The following DNAJC6 variants were observed in gnomAD, a reference collection of about 807,000 sequenced individuals.
DNAJC6 encodes auxilin.
Under a neutral mutation model 110.0 loss-of-function variants are expected in DNAJC6, and 34 were observed. The ratio of observed to expected loss-of-function variants is 0.31; its 90% CI spans 0.24 to 0.41. The LOEUF (loss-of-function observed/expected upper bound fraction) is 0.41, where lower values mean the gene tolerates loss of function less well. Among genes scored for constraint, DNAJC6 ranks in the 10% least tolerant of loss-of-function variants. The probability of loss-of-function intolerance (pLI) is 1.00; values close to 1 mark genes in which losing one functional copy is unlikely to be tolerated. For missense variants in DNAJC6, 1,031 were observed against 1,207.8 expected (o/e 0.85, Z 2.17); for synonymous variants, 406 against 437.2 (o/e 0.93, Z 0.89).
chr1:65,361,468 T>C (rs1469727506), intron 1 of DNAJC6, among the ~76,000 whole-genome samples: 1 of 152,126 alleles, frequency 6.6e-6, no homozygotes, highest in Admixed American at 6.6e-5. Context: ...AACATCTAAG[T>C]GGCATGTAGG....
chr1:65,384,170 A>T (rs551347717), intron 5 of DNAJC6, 23 bp from the exon 6 acceptor site: 1 of 1,441,816 alleles, frequency 6.9e-7, no homozygotes, highest in Non-Finnish European at 9.1e-7. Context: ...GTTCATAATG[A>T]TTTTATGCAT....
chr1:65,348,077 A>G (rs1401241810), intron 1 of DNAJC6, among the ~76,000 whole-genome samples: 1 of 152,178 alleles, frequency 6.6e-6, no homozygotes. Context: ...AAAGGGACAC[A>G]CCATTTGCAG....
At chr1:65,315,884 C>T (rs191692573) in intron 1 of DNAJC6, among the ~76,000 whole-genome samples, 5 of 152,044 alleles carry the variant, frequency 3.3e-5, no homozygotes. Context: ...TTCTCTGAGG[C>T]AAGGAAAAAT....
At chr1:65,333,210 AC>A (rs1163026680) in intron 1 of DNAJC6, among the ~76,000 whole-genome samples, 1 of 152,206 alleles carries the variant, frequency 6.6e-6, no homozygotes, top group Non-Finnish European at 1.5e-5. Flanking sequence ...ATTGAATAGT[AC>A]ATTTTGGCCT....
At chr1:65,408,864 A>G (rs1646101537) in intron 17 of DNAJC6, 81 bp downstream of exon 17, 2 of 1,507,332 alleles carry the variant, frequency 1.3e-6, no homozygotes, top group Non-Finnish European at 1.8e-6. Context: ...AGCTATCGCC[A>G]TGAGAGTAAC....
At position 65,411,444 on chromosome 1, in the gene DNAJC6, T is replaced by A. The variant is rs1384208111; in HGVS notation, c.2811+18T>A. On this transcript the variant is annotated intron_variant, in intron 18 of 18. Coordinates refer to ENST00000371069, the MANE Select transcript of DNAJC6 (RefSeq NM_001256864.2). ...CAGATAAAGTGGGTATAACCTGCCC[T>A]GTTGTGTAACTTGTCAGGTCCTTGC... 11 of 1,603,604 alleles carry A rather than the reference T, an allele frequency of 6.9e-6. No individual in the cohort carries two copies. The South Asian group carries it at 1.1e-4, about 16-fold the overall frequency.
chr1:65,302,118 A>ACGTAT (rs1204528510), intron 1 of DNAJC6, among the ~76,000 whole-genome samples: 1,143 of 17,390 alleles, frequency 0.066, 27 homozygotes, highest in African/African-American at 0.41. Context: ...ATATATATAT[A>ACGTAT]TATATAAAAA....
intron 1 of DNAJC6, among the ~76,000 whole-genome samples, chr1:65,322,709 A>G (rs956256553): frequency 1.4e-4 from 22 of 152,198 alleles, no homozygotes; most frequent in Non-Finnish European, 4.4e-5. Flanking sequence ...CACTAAATTA[A>G]GTTTCTAACA....
chr1:65,388,307 T>G (rs781297022), intron 8 of DNAJC6, 29 bp from the exon 9 acceptor site: 1 of 1,590,758 alleles, frequency 6.3e-7, no homozygotes, highest in Non-Finnish European at 8.6e-7. Flanking sequence ...GCTGATTGAT[T>G]GTAATGTGCT....
At chr1:65,297,292 T>TA (rs1202422519) in intron 1 of DNAJC6, among the ~76,000 whole-genome samples, 1 of 152,198 alleles carries the variant, frequency 6.6e-6, no homozygotes, top group Non-Finnish European at 1.5e-5. Flanking sequence ...TTATGCTGAC[T>TA]ACCTTTGACT....
chr1:65,386,022 T>A (rs1645868738), intron 7 of DNAJC6, 116 bp downstream of exon 7: 1 of 1,090,338 alleles, frequency 9.2e-7, no homozygotes, highest in South Asian at 1.8e-5. Flanking sequence ...ATAGCTGATA[T>A]ATAAAAAATG....
At chr1:65,283,576 T>C (rs1026762890) in intron 1 of DNAJC6, among the ~76,000 whole-genome samples, 1 of 152,222 alleles carries the variant, frequency 6.6e-6, no homozygotes, top group African/African-American at 2.4e-5. Flanking sequence ...TTGGGTGGTT[T>C]CCAATTCTTA....
At chr1:65,290,655 C>A (rs1408015379) in intron 1 of DNAJC6, among the ~76,000 whole-genome samples, 1 of 152,088 alleles carries the variant, frequency 6.6e-6, no homozygotes, top group Non-Finnish European at 1.5e-5. Flanking sequence ...TAAATTATTA[C>A]CTTTCCTATG....
chr1:65,399,130 C>T (rs546867407), intron 14 of DNAJC6, among the ~76,000 whole-genome samples: 6 of 152,222 alleles, frequency 3.9e-5, no homozygotes, highest in South Asian at 2.1e-4. Context: ...TAGAATCAGA[C>T]GGATATAAAT....
In DNAJC6 at chr1:65,364,762, T is replaced by C; in HGVS notation, c.321T>C (p.Ser107=). 4 of 1,613,260 alleles carry C rather than the reference T, an allele frequency of 2.5e-6. No homozygotes were observed. The highest frequency in any genetic ancestry group is 1.7e-6 in the Non-Finnish European group (2 of 1,179,402). Residue 107 remains serine (S), a synonymous_variant, in exon 2 of 19, where the codon TCT becomes TCC. Coordinates refer to ENST00000371069, the MANE Select transcript of DNAJC6 (RefSeq NM_001256864.2). ...NLKDTLKDTS[S]RVIQSVTSYT... The stretch of plus-strand genomic sequence containing the variant: ...AAGACACCCTCAAAGACACATCTTC[T>C]AGAGTGATACAATCTGTGACCAGGT...
intron 13 of DNAJC6, among the ~76,000 whole-genome samples, chr1:65,398,031 ATTC>A (rs1296990558): frequency 4.6e-5 from 7 of 152,304 alleles, no homozygotes; most frequent in Admixed American, 4.6e-4. Context: ...TCAGAAAGAA[ATTC>A]TTCATCATGG....
At chr1:65,396,031 T>C (rs1484635596) in intron 13 of DNAJC6, among the ~76,000 whole-genome samples, 2 of 152,182 alleles carry the variant, frequency 1.3e-5, no homozygotes, top group Admixed American at 1.3e-4. Flanking sequence ...TCAGTTGACT[T>C]TGGGAAACCA....
At chr1:65,278,702 C>T (rs1653751377) in intron 1 of DNAJC6, among the ~76,000 whole-genome samples, 1 of 152,136 alleles carries the variant, frequency 6.6e-6, no homozygotes, top group Non-Finnish European at 1.5e-5. Context: ...GCTTGAGAAC[C>T]TCTGATCAAG....
At chr1:65,289,876 C>G (rs1394888631) in intron 1 of DNAJC6, among the ~76,000 whole-genome samples, 1 of 150,020 alleles carries the variant, frequency 6.7e-6, no homozygotes, top group Non-Finnish European at 1.5e-5. Context: ...GTGGCATGAT[C>G]TGGGCTCACT....
Sources: allele counts gnomAD v4.1 joint callset (sites outside exome capture counted in the v4.1 genomes callset), GRCh38; gene constraint gnomAD v4.1.1; transcripts MANE v1.5; gene names NCBI Gene and HGNC (gene_info 2026-07-23, HGNC 2026-07-21).